DNAH9: variants seen among roughly 807,000 people sequenced by gnomAD.
The protein encoded by DNAH9 is dynein axonemal heavy chain 9.
Under a neutral mutation model 471.6 loss-of-function variants are expected in DNAH9, and 345 were observed. The observed-to-expected ratio is 0.73, with a 90% confidence interval of 0.67 to 0.80. DNAH9 has a LOEUF of 0.80. Among genes scored for constraint, DNAH9 ranks in the 30% least tolerant of loss-of-function variants. The pLI, the probability that DNAH9 is intolerant of heterozygous loss-of-function variation, is 0.00. For synonymous variants in DNAH9, 2,093 were observed against 2,123.6 expected, an observed-to-expected ratio of 0.99 and a Z score of 0.40; for missense variants, 5,407 against 5,609.2, an observed-to-expected ratio of 0.96 and a Z score of 1.15.
intron 59 of DNAH9, among the ~76,000 whole-genome samples, chr17:11,899,437 T>A (rs1326494097): frequency 6.6e-6 from 1 of 152,212 alleles, no homozygotes; most frequent in African/African-American, 2.4e-5. Flanking sequence ...ACTACCAGTC[T>A]GGTTGCCAAT....
At chr17:11,847,276 C>A (rs1339855201) in intron 49 of DNAH9, among the ~76,000 whole-genome samples, 1 of 151,958 alleles carries the variant, frequency 6.6e-6, no homozygotes, top group African/African-American at 2.4e-5. Context: ...GTCATGAAAT[C>A]CTTGCTCATT....
chr17:11,811,318 A>T (rs1487325390), intron 45 of DNAH9, among the ~76,000 whole-genome samples: 2 of 143,650 alleles, frequency 1.4e-5, no homozygotes, highest in Non-Finnish European at 3.1e-5. Context: ...GTCTCAATTT[A>T]AAAAAAAAAA....
chr17:11,647,085 C>T lies in DNAH9; in HGVS notation c.1984C>T (p.Leu662Phe). 6.2e-7 allele frequency: 1 copy of T among 1,613,924 alleles called. No individual in the cohort carries two copies. Among genetic ancestry groups the T allele is most frequent in the South Asian group, 1.1e-5 (1 of 91,058 alleles). Residue 662 changes from leucine (L) to phenylalanine (F), a missense_variant, in exon 12 of 69, where the codon CTT becomes TTT. Leu to Phe is a conservative substitution (Grantham distance 22, BLOSUM62 0). Transcript: ENST00000262442. The stretch of plus-strand genomic sequence containing the variant: ...TGACCCTTGCAGGTATGAGACAAGA[C>T]TTTATGAGGATTGGTGCCGGACAGT... Reference protein sequence around the residue: ...LSLLEKYETRLYEDWCRTVSE... With the variant: ...LSLLEKYETRFYEDWCRTVSE...
intron 43 of DNAH9, among the ~76,000 whole-genome samples, chr17:11,799,908 G>A (rs971458083): frequency 5.3e-5 from 8 of 151,970 alleles, no homozygotes; most frequent in Admixed American, 2.6e-4. Flanking sequence ...TACTCTACCC[G>A]TGCCCCTAAG....
At chr17:11,786,936 C>T (rs1335986243) in intron 41 of DNAH9, among the ~76,000 whole-genome samples, 13 of 152,214 alleles carry the variant, frequency 8.5e-5, no homozygotes, top group Non-Finnish European at 1.3e-4. Flanking sequence ...GTGTGGAGAA[C>T]GCAACATCCC....
At chr17:11,950,200 AC>A (rs1253515165) in intron 67 of DNAH9, among the ~76,000 whole-genome samples, 1 of 152,184 alleles carries the variant, frequency 6.6e-6, no homozygotes, top group Non-Finnish European at 1.5e-5. Flanking sequence ...CCAGAGTGGT[AC>A]TTTTCTTATA....
At chr17:11,841,497 A>G (rs142221363) in intron 49 of DNAH9, among the ~76,000 whole-genome samples, 11 of 152,340 alleles carry the variant, frequency 7.2e-5, no homozygotes, top group African/African-American at 2.2e-4. Context: ...TTATGCGTCC[A>G]TCTTGCTCAG....
In DNAH9 at chr17:11,923,859, T is replaced by A. The variant is rs779754269; in HGVS notation, c.11795T>A (p.Val3932Glu). Residue 3932 changes from valine to glutamate, a missense_variant, in exon 62 of 69, where the codon GTG becomes GAG. Physicochemically the swap from Val to Glu is moderately radical, Grantham distance 121 (BLOSUM62 -2). Transcript: ENST00000262442. ...TTCAACAATCAGAACTTTCACAACG[T>A]GTCTTTGGGGCAAGGACAGGAAGTG... The part of the protein sequence containing the change: ...YTFNNQNFHN[V>E]SLGQGQEVVA... 6.2e-6 allele frequency: 10 copies of A among 1,613,904 alleles called. No individual in the cohort carries two copies. In the South Asian group the frequency reaches 1.1e-4, roughly 18 times the overall value.
rs1279267951 is a variant in DNAH9 at position 11,623,707 on chromosome 17, C to G, written c.1350+3926C>G. ...CCAGTAAGAATTATCATGAACTTAG[C>G]CTTATTCATCTTCTATTCTAATACA... On this transcript the variant is annotated intron_variant, in intron 6 of 68. Coordinates refer to ENST00000262442, the MANE Select transcript of DNAH9 (RefSeq NM_001372.4). The surrounding 1 kb of genome is among the most constrained non-coding windows in gnomAD (Gnocchi z 4.1). Among the ~76,000 whole-genome samples the G allele has an allele frequency of 6.6e-6, 1 of 152,138 alleles. No individual in the cohort carries two copies. The highest frequency in any genetic ancestry group is 1.5e-5 in the Non-Finnish European group (1 of 68,020).
chr17:11,952,179 G>A (rs952432230), intron 67 of DNAH9, among the ~76,000 whole-genome samples: 1 of 123,690 alleles, frequency 8.1e-6, no homozygotes, highest in Non-Finnish European at 1.6e-5. Flanking sequence ...TTGCTCTGTT[G>A]CCCAGGCTGG....
chr17:11,753,794 GGA>G (rs780645920), intron 33 of DNAH9, among the ~76,000 whole-genome samples: 6 of 152,176 alleles, frequency 3.9e-5, no homozygotes, highest in Admixed American at 6.5e-5. Context: ...ATGCTCTCCT[GGA>G]GAGAGTACTT....
At chr17:11,830,489 G>A (rs1177562679) in intron 48 of DNAH9, among the ~76,000 whole-genome samples, 2 of 152,152 alleles carry the variant, frequency 1.3e-5, no homozygotes, top group Non-Finnish European at 2.9e-5. Context: ...GAAGTTGACA[G>A]TTTCATAATT....
chr17:11,651,349 G>T, intron 13 of DNAH9, 25 bp downstream of exon 13: 1 of 1,593,058 alleles, frequency 6.3e-7, no homozygotes, highest in South Asian at 1.1e-5. Flanking sequence ...TCTGAAGTCT[G>T]ACAAAAACAT....
chr17:11,967,563 G>C (rs1976839698), intron 68 of DNAH9, among the ~76,000 whole-genome samples: 1 of 152,120 alleles, frequency 6.6e-6, no homozygotes, highest in African/African-American at 2.4e-5. Context: ...AAAACGAATA[G>C]CAGATTCTAC....
At chr17:11,602,555 C>T (rs150741909) in intron 1 of DNAH9, among the ~76,000 whole-genome samples, 1 of 152,292 alleles carries the variant, frequency 6.6e-6, no homozygotes, top group African/African-American at 2.4e-5. Context: ...CAAAGGACAT[C>T]ATCCACTCTC....
chr17:11,941,069 G>A (rs868641426), intron 66 of DNAH9, among the ~76,000 whole-genome samples: 4 of 152,106 alleles, frequency 2.6e-5, no homozygotes, highest in Non-Finnish European at 4.4e-5. Context: ...GTGGTTCCTT[G>A]GATTCCAGGC....
At chr17:11,730,901 T>C (rs1050495342) in intron 28 of DNAH9, among the ~76,000 whole-genome samples, 3 of 151,222 alleles carry the variant, frequency 2.0e-5, no homozygotes, top group African/African-American at 7.3e-5. Flanking sequence ...GAGATGATAA[T>C]GGTGATGGTG....
intron 14 of DNAH9, among the ~76,000 whole-genome samples, chr17:11,653,261 C>T (rs1421391158): frequency 2.0e-5 from 3 of 152,200 alleles, no homozygotes; most frequent in East Asian, 1.9e-4. Flanking sequence ...GGTCTCACAC[C>T]TACCCCCAAG....
chr17:11,712,771 C>A (rs2074895516), intron 26 of DNAH9, among the ~76,000 whole-genome samples: 1 of 150,874 alleles, frequency 6.6e-6, no homozygotes, highest in Admixed American at 6.6e-5. Context: ...GGTCTGTCTT[C>A]TTATTATTGA....
Sources: allele counts gnomAD v4.1 joint callset (sites outside exome capture counted in the v4.1 genomes callset), GRCh38; gene constraint gnomAD v4.1.1; non-coding constraint Gnocchi (gnomAD v3.1); transcripts MANE v1.5; gene names NCBI Gene and HGNC (gene_info 2026-07-23, HGNC 2026-07-21).